Variants in FAM13B observed in about 807,000 individuals in gnomAD.
FAM13B encodes family with sequence similarity 13 member B, also known as protein FAM13B.
A neutral mutation model predicts 117.3 loss-of-function variants in FAM13B; 60 were observed. The ratio of observed to expected loss-of-function variants is 0.51; its 90% CI spans 0.42 to 0.63. The LOEUF is 0.63. FAM13B is among the 30% of genes least tolerant of loss of function. The probability of loss-of-function intolerance (pLI) is 0.00; values close to 1 mark genes in which losing one functional copy is unlikely to be tolerated. For synonymous variants in FAM13B, 332 were observed against 356.1 expected (o/e 0.93, Z 0.76); for missense variants, 972 against 1,091.9 (o/e 0.89, Z 1.55).
At position 137,939,050 on chromosome 5, in the gene FAM13B, C is replaced by T. The variant is rs1356490258; in HGVS notation, c.*1175G>A. 6.6e-6 allele frequency: 1 copy of T among 151,930 alleles called. No individual in the cohort carries two copies. Among genetic ancestry groups the T allele is most frequent in the Non-Finnish European group, 1.5e-5 (1 of 67,984 alleles). 9.4% of individuals were successfully genotyped at this position (151,930 alleles called of 1,614,324 possible). On this transcript the variant is annotated 3_prime_UTR_variant, in exon 24 of 24. Coordinates refer to ENST00000689681, the MANE Select transcript of FAM13B (RefSeq NM_001385994.1). Reference sequence around the variant, plus strand: ...ACCGAGACAGTACCTGAAGAAAAGCCATGCAAAGCCAAAGGAAAAAAAGAT... The same window carrying T: ...ACCGAGACAGTACCTGAAGAAAAGCTATGCAAAGCCAAAGGAAAAAAAGAT...
chr5:137,953,824 C>A (rs1051761291), intron 15 of FAM13B, among the ~76,000 whole-genome samples: 3 of 152,178 alleles, frequency 2.0e-5, no homozygotes, highest in African/African-American at 7.2e-5. Context: ...CTGCTCAGCA[C>A]CATTTGCTGC....
chr5:138,013,587 A>T (rs2150924538), intron 4 of FAM13B, among the ~76,000 whole-genome samples: 1 of 152,056 alleles, frequency 6.6e-6, no homozygotes. Context: ...ACCAATAACA[A>T]CTCTTCTATA....
At chr5:138,046,332 A>G (rs1456468523) in intron 1 of FAM13B, among the ~76,000 whole-genome samples, 2 of 152,230 alleles carry the variant, frequency 1.3e-5, no homozygotes, top group Non-Finnish European at 2.9e-5. Context: ...AACACAGAGT[A>G]GTAACTGCCA....
At chr5:138,005,121 C>A (rs529611449) in intron 7 of FAM13B, among the ~76,000 whole-genome samples, 1 of 152,250 alleles carries the variant, frequency 6.6e-6, no homozygotes, top group Admixed American at 6.5e-5. Flanking sequence ...CCTATAGTCT[C>A]AGCTACTTGG....
chr5:138,031,037 A>G (rs542927257), intron 1 of FAM13B, among the ~76,000 whole-genome samples: 1 of 152,262 alleles, frequency 6.6e-6, no homozygotes, highest in South Asian at 2.1e-4. Flanking sequence ...TCTCAAAAAA[A>G]AAAACAAAAC....
At chr5:137,966,506 G>GAGAGAGAGAA (rs1262713676) in intron 10 of FAM13B, among the ~76,000 whole-genome samples, 1 of 143,142 alleles carries the variant, frequency 7.0e-6, no homozygotes, top group African/African-American at 2.5e-5. Context: ...GAGAGAGAGA[G>GAGAGAGAGAA]AGAGAGAGAG....
At position 137,959,633 on chromosome 5, in the gene FAM13B, T is replaced by G; in HGVS notation, c.1424A>C (p.Asp475Ala). ...IPHLDLKNVS[D>A]GDKWEASCPI... ...AAAATTACCTTCCCATTTATCACCA[T>G]CAGAAACATTCTTCAGATCTAAATG... Residue 475 changes from aspartate to alanine, a missense_variant, in exon 13 of 24, where the codon GAT becomes GCT. Coordinates refer to ENST00000689681, the MANE Select transcript of FAM13B (RefSeq NM_001385994.1). The G allele has an allele frequency of 6.2e-7, 1 of 1,613,924 alleles. No homozygotes were observed. The highest frequency in any genetic ancestry group is 8.5e-7 in the Non-Finnish European group (1 of 1,179,826).
intron 7 of FAM13B, among the ~76,000 whole-genome samples, chr5:137,989,772 G>C (rs1778140014): frequency 6.6e-6 from 1 of 152,174 alleles, no homozygotes; most frequent in Non-Finnish European, 1.5e-5. Context: ...GCAGTGAGCT[G>C]TGGTCGTGCC....
upstream of FAM13B, chr5:138,033,254 G>A (rs1437851940): frequency 5.7e-6 from 1 of 176,106 alleles, no homozygotes; most frequent in African/African-American, 2.4e-5. Context: ...GAATTAGGGT[G>A]CGAGCAGCCA....
chr5:137,951,213 A>C (rs903468459), intron 17 of FAM13B, among the ~76,000 whole-genome samples: 3 of 148,264 alleles, frequency 2.0e-5, no homozygotes, highest in Admixed American at 6.7e-5. Flanking sequence ...CTCAAACAAA[A>C]AAAAAAAAAA....
intron 7 of FAM13B, 38 bp downstream of exon 7, chr5:138,006,952 A>C: frequency 6.4e-7 from 1 of 1,556,838 alleles, no homozygotes; most frequent in Non-Finnish European, 8.7e-7. Flanking sequence ...TTAGAATGAA[A>C]TACTCAAAAG....
intron 1 of FAM13B, chr5:138,038,518 T>C (rs1791365924): frequency 6.6e-6 from 1 of 152,204 alleles, no homozygotes; most frequent in African/African-American, 2.4e-5. Flanking sequence ...AAGGAAGAAC[T>C]AAAAACACAT....
In FAM13B at chr5:137,942,047, T is replaced by C. The variant is rs1761999817; in HGVS notation, c.2589-2A>G. The C allele has an allele frequency of 6.2e-7, 1 of 1,609,894 alleles. No individual in the cohort carries two copies. Among genetic ancestry groups the C allele is most frequent in the Non-Finnish European group, 8.5e-7 (1 of 1,176,724 alleles). ...CAAAGTTGTTCCAATAATTCAGGCC[T>C]AGAATTGAAATGGTAAAATACTGAA... On this transcript the variant is annotated splice_acceptor_variant, in intron 22 of 23. Transcript: ENST00000689681. LOFTEE classifies it high-confidence loss of function.
chr5:137,963,061 T>C (rs1768621090), intron 10 of FAM13B, among the ~76,000 whole-genome samples: 1 of 152,212 alleles, frequency 6.6e-6, no homozygotes, highest in African/African-American at 2.4e-5. Flanking sequence ...GTGTTTTTGA[T>C]GATCACCTTT....
intron 7 of FAM13B, among the ~76,000 whole-genome samples, chr5:137,990,892 T>C (rs1301979978): frequency 6.6e-6 from 1 of 152,210 alleles, no homozygotes; most frequent in Non-Finnish European, 1.5e-5. Context: ...TGCATGTTGC[T>C]AGTGGGAAGG....
chr5:138,036,505 G>A (rs760363129), upstream of FAM13B: 1 of 456,738 alleles, frequency 2.2e-6, no homozygotes, highest in Non-Finnish European at 4.4e-6. Flanking sequence ...TACAAGTCAA[G>A]TGCTCTGAGC....
chr5:137,955,321 A>T (rs1766193693), intron 14 of FAM13B, among the ~76,000 whole-genome samples: 1 of 152,204 alleles, frequency 6.6e-6, no homozygotes, highest in Admixed American at 6.5e-5. Context: ...GGCCTCTAAC[A>T]TTAAACTGTG....
At chr5:137,942,640 G>T in intron 22 of FAM13B, 1 of 455,938 alleles carries the variant, frequency 2.2e-6, no homozygotes, top group Non-Finnish European at 3.8e-6. Context: ...TGGGATTATA[G>T]GCATGAGCCA....
chr5:138,029,020 C>CA (rs548886695), intron 1 of FAM13B, among the ~76,000 whole-genome samples: 8 of 146,062 alleles, frequency 5.5e-5, no homozygotes, highest in South Asian at 2.2e-4. Context: ...GACTTCGTCT[C>CA]AAAAAAAAGA....
Sources: gnomAD v4.1 joint callset for allele counts (sites outside exome capture counted in the v4.1 genomes callset) on GRCh38, gnomAD v4.1.1 for gene constraint, MANE v1.5 for transcripts, NCBI Gene and HGNC (gene_info 2026-07-23, HGNC 2026-07-21) for gene names.